The following SCAPER variants were observed in gnomAD, a reference collection of about 807,000 sequenced individuals.
SCAPER encodes the protein S phase cyclin A-associated protein in the endoplasmic reticulum.
A neutral mutation model predicts 182.2 loss-of-function variants in SCAPER; 98 were observed. The observed-to-expected ratio is 0.54, with a 90% confidence interval of 0.46 to 0.64. SCAPER has a LOEUF of 0.64. Among genes scored for constraint, SCAPER ranks in the 30% least tolerant of loss-of-function variants. The pLI, the probability that SCAPER is intolerant of heterozygous loss-of-function variation, is 0.00. For synonymous variants in SCAPER, 605 were observed against 564.6 expected (o/e 1.07, Z -1.01); for missense variants, 1,432 against 1,690.0 (o/e 0.85, Z 2.68).
chr15:76,844,617 A>T (rs535595936), intron 4 of SCAPER, among the ~76,000 whole-genome samples: 1 of 152,294 alleles, frequency 6.6e-6, no homozygotes, highest in South Asian at 2.1e-4. Flanking sequence ...AAATCTAGAG[A>T]GAATGGATAA....
intron 1 of SCAPER, among the ~76,000 whole-genome samples, chr15:76,897,558 T>C (rs1323801564): frequency 6.6e-6 from 1 of 151,874 alleles, no homozygotes; most frequent in Admixed American, 6.6e-5. Flanking sequence ...ATACAAAAAC[T>C]TAGCTGGGTG....
At chr15:76,607,891 C>A (rs960129529) in intron 22 of SCAPER, among the ~76,000 whole-genome samples, 1 of 152,154 alleles carries the variant, frequency 6.6e-6, no homozygotes, top group Non-Finnish European at 1.5e-5. Flanking sequence ...GACTTCTCTG[C>A]ACTGGTTATT....
At chr15:76,685,123 A>G (rs2057955832) in intron 20 of SCAPER, among the ~76,000 whole-genome samples, 2 of 152,068 alleles carry the variant, frequency 1.3e-5, no homozygotes, top group Admixed American at 1.3e-4. Flanking sequence ...AAAAGATTAA[A>G]CAACAAATCC....
Position 76,705,997 on chromosome 15 carries a change from A to G in SCAPER, c.2166-13T>C, listed in dbSNP as rs1364235277. ...TTCTTCCCTGTCTCTGTAAGAAGAC[A>G]GTAAAAATTATAAACTCAACTGCTT... On this transcript the variant is annotated splice_polypyrimidine_tract_variant and intron_variant, in intron 17 of 31. Transcript: ENST00000563290. 3.9e-6 allele frequency: 6 copies of G among 1,531,084 alleles called. No homozygotes were observed. In the East Asian group the frequency reaches 1.5e-4, roughly 37 times the overall value. The allele number at this position is 1,531,084 out of a possible 1,614,324, so 94.8% of individuals were successfully genotyped here. A position where few individuals can be genotyped will look rare whatever the true frequency, so the allele number is the denominator to read the frequency against.
At chr15:76,454,210 T>G (rs1194697308) in intron 25 of SCAPER, among the ~76,000 whole-genome samples, 1 of 152,166 alleles carries the variant, frequency 6.6e-6, no homozygotes, top group Admixed American at 6.5e-5. Flanking sequence ...CTACTTATCC[T>G]TCAGGTCTCA....
chr15:76,700,424 G>A (rs1024336465), intron 20 of SCAPER, among the ~76,000 whole-genome samples: 1 of 152,204 alleles, frequency 6.6e-6, no homozygotes, highest in African/African-American at 2.4e-5. Flanking sequence ...CCAGAGGTCC[G>A]TGGTGAGAGT....
At chr15:76,862,166 C>A (rs1310962205) in intron 3 of SCAPER, among the ~76,000 whole-genome samples, 1 of 152,090 alleles carries the variant, frequency 6.6e-6, no homozygotes, top group Admixed American at 6.6e-5. Flanking sequence ...ACTTTAACAA[C>A]CCCTAATCTG....
chr15:76,722,241 G>C (rs919888448), intron 17 of SCAPER, among the ~76,000 whole-genome samples: 1 of 151,696 alleles, frequency 6.6e-6, no homozygotes, highest in South Asian at 2.1e-4. Context: ...ATTGATTTGC[G>C]TATGTTGAAC....
At chr15:76,455,810 GCT>G (rs1457452237) in intron 25 of SCAPER, among the ~76,000 whole-genome samples, 2 of 152,098 alleles carry the variant, frequency 1.3e-5, no homozygotes, top group Non-Finnish European at 2.9e-5. Context: ...TTGTCCTAAT[GCT>G]CTCTCTCCCT....
intron 8 of SCAPER, among the ~76,000 whole-genome samples, chr15:76,790,378 T>C (rs1159630305): frequency 6.6e-6 from 1 of 152,218 alleles, no homozygotes; most frequent in African/African-American, 2.4e-5. Context: ...CACGTTATTT[T>C]TACCTTAAAA....
At chr15:76,792,198 G>A (rs1268511347) in intron 8 of SCAPER, among the ~76,000 whole-genome samples, 1 of 151,714 alleles carries the variant, frequency 6.6e-6, no homozygotes, top group East Asian at 1.9e-4. Flanking sequence ...AGGTAATATT[G>A]AGGACTTTCA....
intron 24 of SCAPER, among the ~76,000 whole-genome samples, chr15:76,489,660 A>G (rs907929370): frequency 5.3e-5 from 8 of 151,386 alleles, no homozygotes; most frequent in South Asian, 2.1e-4. Context: ...AACACTTAAT[A>G]TGAGATCTAC....
At chr15:76,458,913 G>A (rs184598913) in intron 25 of SCAPER, among the ~76,000 whole-genome samples, 1 of 151,904 alleles carries the variant, frequency 6.6e-6, no homozygotes, top group East Asian at 1.9e-4. Context: ...TTTATTCATT[G>A]AGACAAGGTT....
intron 9 of SCAPER, chr15:76,774,355 T>TA (rs769000455): frequency 5.4e-6 from 2 of 372,118 alleles, no homozygotes; most frequent in South Asian, 4.1e-5. Context: ...TGAAAGATAT[T>TA]AAAGAAACAT....
intron 27 of SCAPER, among the ~76,000 whole-genome samples, chr15:76,391,360 G>A (rs2043682203): frequency 6.6e-6 from 1 of 152,130 alleles, no homozygotes; most frequent in South Asian, 2.1e-4. Context: ...TATATTGGTT[G>A]ATTGTTTTTT....
chr15:76,535,247 G>A (rs1271759972), intron 23 of SCAPER, among the ~76,000 whole-genome samples: 1 of 152,140 alleles, frequency 6.6e-6, no homozygotes, highest in Non-Finnish European at 1.5e-5. Context: ...ATTTTGGCCA[G>A]GCGTGGTGGC....
intron 28 of SCAPER, among the ~76,000 whole-genome samples, chr15:76,378,465 A>G (rs184430057): frequency 6.6e-6 from 1 of 152,370 alleles, no homozygotes; most frequent in East Asian, 1.9e-4. Flanking sequence ...TTCTCTGACC[A>G]TAACTATCAC....
At chr15:76,566,994 C>T (rs1205508317) in intron 23 of SCAPER, among the ~76,000 whole-genome samples, 1 of 152,002 alleles carries the variant, frequency 6.6e-6, no homozygotes, top group Non-Finnish European at 1.5e-5. Context: ...TTTCTGATCA[C>T]ACATCTCACC....
At chr15:76,416,163 C>T (rs1397562198) in intron 26 of SCAPER, among the ~76,000 whole-genome samples, 39 of 151,860 alleles carry the variant, frequency 2.6e-4, no homozygotes, top group Admixed American at 2.5e-3. Flanking sequence ...AAAATATTCC[C>T]CATCACTAGC....
Sources: allele counts gnomAD v4.1 joint callset (sites outside exome capture counted in the v4.1 genomes callset), GRCh38; gene constraint gnomAD v4.1.1; transcripts MANE v1.5; gene names NCBI Gene and HGNC (gene_info 2026-07-23, HGNC 2026-07-21).